NGEF: variants seen among roughly 807,000 people sequenced by gnomAD.
NGEF encodes ephexin-1.
In NGEF, 31 loss-of-function variants were observed where a neutral mutation model predicts 80.9. That is an observed-to-expected ratio of 0.38 (90% CI 0.29 to 0.52). NGEF has a LOEUF of 0.52. Among genes scored for constraint, NGEF ranks in the 20% least tolerant of loss-of-function variants. NGEF has a pLI of 0.84. For missense variants in NGEF, 709 were observed against 926.2 expected, an observed-to-expected ratio of 0.77 and a Z score of 3.04; for synonymous variants, 371 against 370.2, an observed-to-expected ratio of 1.00 and a Z score of -0.03.
chr2:232,991,742 A>G (rs1694654562), intron 1 of NGEF, among the ~76,000 whole-genome samples: 1 of 152,194 alleles, frequency 6.6e-6, no homozygotes, highest in Non-Finnish European at 1.5e-5. Context: ...TGATAAGCTG[A>G]TCATAAAATT....
At chr2:232,959,926 T>C in intron 3 of NGEF, among the ~76,000 whole-genome samples, 1 of 152,216 alleles carries the variant, frequency 6.6e-6, no homozygotes, top group Non-Finnish European at 1.5e-5. Context: ...TCACAATGTT[T>C]AACAACCAGG....
rs1695246960 is a variant in NGEF at position 233,013,061 on chromosome 2, C to T, written c.-75+7G>A. 1 of 465,764 alleles carries T rather than the reference C, an allele frequency of 2.1e-6. No homozygotes were observed. Among genetic ancestry groups the T allele is most frequent in the East Asian group, 7.0e-5 (1 of 14,322 alleles). 28.9% of individuals were successfully genotyped at this position (465,764 alleles called of 1,614,324 possible). A position where few individuals can be genotyped will look rare whatever the true frequency, so the allele number is the denominator to read the frequency against. Reference sequence around the variant, plus strand: ...TTTTTTAAAAAATACCAAAACCATTCTCTCACCTGCCAGAGAGGAGCTCAT... The same window carrying T: ...TTTTTTAAAAAATACCAAAACCATTTTCTCACCTGCCAGAGAGGAGCTCAT... On this transcript the variant is annotated splice_region_variant and intron_variant, in intron 1 of 14. Coordinates refer to ENST00000264051, the MANE Select transcript of NGEF (RefSeq NM_019850.3).
chr2:232,975,716 C>T (rs1018589773), intron 1 of NGEF, among the ~76,000 whole-genome samples: 1 of 152,166 alleles, frequency 6.6e-6, no homozygotes, highest in African/African-American at 2.4e-5. Context: ...TGTGGACCCT[C>T]TTAGTGGGTC....
intron 3 of NGEF, among the ~76,000 whole-genome samples, chr2:232,934,731 A>G (rs1693293823): frequency 6.6e-6 from 1 of 152,184 alleles, no homozygotes; most frequent in Non-Finnish European, 1.5e-5. Context: ...GGCCAGGTGC[A>G]GTCGCTCACA....
At chr2:232,904,044 A>T (rs1032238903) in intron 5 of NGEF, among the ~76,000 whole-genome samples, 1 of 152,224 alleles carries the variant, frequency 6.6e-6, no homozygotes, top group South Asian at 2.1e-4. Context: ...ACACAGCAAG[A>T]CCCAGCATCT....
intron 5 of NGEF, among the ~76,000 whole-genome samples, chr2:232,902,315 A>T (rs1258295429): frequency 6.6e-6 from 1 of 152,142 alleles, no homozygotes; most frequent in Admixed American, 6.5e-5. Flanking sequence ...AATGATGATG[A>T]AGTCGGACTC....
At chr2:232,960,215 T>C (rs1559225112) in intron 3 of NGEF, among the ~76,000 whole-genome samples, 1 of 152,274 alleles carries the variant, frequency 6.6e-6, no homozygotes, top group African/African-American at 2.4e-5. Flanking sequence ...TATCAACTTA[T>C]AAAAGCACAT....
At chr2:232,973,356 T>A (rs541200882) in intron 2 of NGEF, among the ~76,000 whole-genome samples, 2 of 152,338 alleles carry the variant, frequency 1.3e-5, no homozygotes, top group African/African-American at 4.8e-5. Flanking sequence ...CTTAACTCAG[T>A]GCTTGATACA....
intron 1 of NGEF, among the ~76,000 whole-genome samples, chr2:232,992,195 G>C (rs534866569): frequency 6.6e-6 from 1 of 152,208 alleles, no homozygotes; most frequent in South Asian, 2.1e-4. Flanking sequence ...AGCTGCACAA[G>C]CAACAAAAGA....
intron 1 of NGEF, among the ~76,000 whole-genome samples, chr2:232,995,751 G>A (rs1683150834): frequency 7.0e-6 from 1 of 143,878 alleles, no homozygotes; most frequent in Non-Finnish European, 1.5e-5. Context: ...TGCACAATAT[G>A]TATATGTATT....
chr2:232,957,740 G>T (rs542345906), intron 3 of NGEF, among the ~76,000 whole-genome samples: 121 of 152,322 alleles, frequency 7.9e-4, no homozygotes, highest in African/African-American at 2.8e-3. Context: ...GGTCACCTCT[G>T]GGTGTGGGCC....
At chr2:232,887,780 G>A (rs1485663450) in intron 9 of NGEF, among the ~76,000 whole-genome samples, 1 of 152,204 alleles carries the variant, frequency 6.6e-6, no homozygotes, top group Admixed American at 6.5e-5. Context: ...TCCATGCCAG[G>A]CACAGTAACA....
At chr2:232,951,524 G>A (rs1200355091) in intron 3 of NGEF, among the ~76,000 whole-genome samples, 1 of 152,160 alleles carries the variant, frequency 6.6e-6, no homozygotes, top group Non-Finnish European at 1.5e-5. Flanking sequence ...CTGTGGAGTC[G>A]AGGTCCTAAT....
chr2:232,998,133 C>T (rs1287113083), intron 1 of NGEF, among the ~76,000 whole-genome samples: 1 of 152,006 alleles, frequency 6.6e-6, no homozygotes, highest in African/African-American at 2.4e-5. Context: ...TGCTCTTCCC[C>T]CTCTTCCCAG....
intron 1 of NGEF, among the ~76,000 whole-genome samples, chr2:232,987,599 G>A (rs1034149972): frequency 1.3e-5 from 2 of 152,162 alleles, no homozygotes; most frequent in African/African-American, 4.8e-5. Context: ...TAGGGCTGTG[G>A]AACCCATGGG....
chr2:232,932,003 C>G (rs1693223421), intron 3 of NGEF, among the ~76,000 whole-genome samples: 1 of 152,128 alleles, frequency 6.6e-6, no homozygotes, highest in East Asian at 1.9e-4. Flanking sequence ...TGACATGCTC[C>G]TCATTGCTTT....
At chr2:232,914,288 T>C (rs1484932578) in intron 5 of NGEF, among the ~76,000 whole-genome samples, 2 of 152,264 alleles carry the variant, frequency 1.3e-5, no homozygotes, top group Non-Finnish European at 2.9e-5. Context: ...AGTAGCAACA[T>C]GTGGCTAAAC....
Position 232,892,841 on chromosome 2 carries a change from GTATGGCTGC to G in NGEF, c.1142+48_1142+56del. 1 of 1,571,854 alleles carries G rather than the reference GTATGGCTGC, an allele frequency of 6.4e-7. No individual in the cohort carries two copies. The highest frequency in any genetic ancestry group is 8.7e-7 in the Non-Finnish European group (1 of 1,148,440). ...GTGTAAGGAGCCTGGGCCAGCACTG[GTATGGCTGC>G]CCCGGGCACCTCCCCCTGCCCCTGA... On this transcript the variant is annotated intron_variant, in intron 7 of 14. Coordinates refer to ENST00000264051, the MANE Select transcript of NGEF (RefSeq NM_019850.3). This position sits in a 1 kb window ranked among gnomAD's most constrained non-coding sequence, Gnocchi z 4.0.
chr2:232,949,770 G>A (rs988668676), intron 3 of NGEF, among the ~76,000 whole-genome samples: 6 of 144,996 alleles, frequency 4.1e-5, no homozygotes, highest in African/African-American at 7.7e-5. Flanking sequence ...GAGCCACTGC[G>A]CCTGGCTCTC....
Sources: gnomAD v4.1 joint callset for allele counts (sites outside exome capture counted in the v4.1 genomes callset) on GRCh38, gnomAD v4.1.1 for gene constraint, Gnocchi (gnomAD v3.1) non-coding constraint, MANE v1.5 for transcripts, NCBI Gene and HGNC (gene_info 2026-07-23, HGNC 2026-07-21) for gene names.